Variants in PATJ observed in about 807,000 individuals in gnomAD.
PATJ encodes the protein PATJ crumbs cell polarity complex component.
Under a neutral mutation model 224.9 loss-of-function variants are expected in PATJ, and 190 were observed. The observed-to-expected ratio is 0.84, with a 90% CI of 0.75 to 0.95. The LOEUF is 0.95. PATJ is among the 40% of genes least tolerant of loss of function. The pLI, the probability that PATJ is intolerant of heterozygous loss-of-function variation, is 0.00. For synonymous variants in PATJ, 769 were observed against 820.3 expected (o/e 0.94, Z 1.07); for missense variants, 2,121 against 2,270.3 (o/e 0.93, Z 1.34).
intron 34 of PATJ, among the ~76,000 whole-genome samples, chr1:62,111,896 G>A (rs1169290892): frequency 6.6e-6 from 1 of 151,472 alleles, no homozygotes; most frequent in Non-Finnish European, 1.5e-5. Flanking sequence ...TCCTGACCTC[G>A]TGATCTGCCT....
intron 22 of PATJ, among the ~76,000 whole-genome samples, chr1:61,897,679 A>G (rs1239072913): frequency 6.6e-6 from 1 of 152,200 alleles, no homozygotes; most frequent in Admixed American, 6.5e-5. Flanking sequence ...TTTTGGTTCC[A>G]TATCACTGAT....
At chr1:61,818,653 G>A (rs1322477373) in intron 14 of PATJ, among the ~76,000 whole-genome samples, 1 of 152,208 alleles carries the variant, frequency 6.6e-6, no homozygotes, top group African/African-American at 2.4e-5. Context: ...GATTTCATAA[G>A]CATTGTTTCT....
chr1:62,154,839 G>C (rs1402401740), intron 43 of PATJ, among the ~76,000 whole-genome samples: 1 of 152,068 alleles, frequency 6.6e-6, no homozygotes, highest in African/African-American at 2.4e-5. Context: ...TTAGTCATTT[G>C]GCATTTACTT....
chr1:62,084,595 A>C lies in PATJ; in HGVS notation c.4324A>C (p.Lys1442Gln). The change falls in exon 33 of 44, where the codon AAG (lysine) becomes CAG (glutamine). Residue 1442 changes from lysine (K) to glutamine (Q), a missense_variant. Transcript: ENST00000642238. ...ACAGGAAATGATTATAGAAATATCC[A>C]AGGGACGTTCAGGGCTTGGTCTCAG... is the stretch of plus-strand genomic sequence containing the variant. ...PGQEMIIEIS[K>Q]GRSGLGLSIV... The C allele has an allele frequency of 6.2e-7, 1 of 1,613,514 alleles. No individual in the cohort carries two copies. Among genetic ancestry groups the C allele is most frequent in the South Asian group, 1.1e-5 (1 of 90,796 alleles).
At chr1:62,024,038 A>G (rs1647295271) in intron 29 of PATJ, among the ~76,000 whole-genome samples, 1 of 152,202 alleles carries the variant, frequency 6.6e-6, no homozygotes, top group Non-Finnish European at 1.5e-5. Context: ...CTTGCATCTC[A>G]GGAATAAAGC....
chr1:61,911,695 T>TATATATATATA lies in PATJ; in HGVS notation c.3493-2892_3493-2891insATATATATATA, dbSNP rs1672666028. On this transcript the variant is annotated intron_variant, in intron 25 of 43. Coordinates refer to ENST00000642238, the MANE Select transcript of PATJ (RefSeq NM_001350145.3). The stretch of plus-strand genomic sequence containing the variant: ...CAGAAATTCCATCATCTATATATTT[T>TATATATATATA]TATATATATATATATATATATATCA... 6.0e-3 allele frequency among the ~76,000 whole-genome samples: 850 copies of TATATATATATA among 140,516 alleles called. 7 individuals carry two copies. Among genetic ancestry groups the TATATATATATA allele is most frequent in the Admixed American group, 0.011 (158 of 13,792 alleles). 92.2% of individuals were successfully genotyped at this position (140,516 alleles called of 152,430 possible).
chr1:61,962,287 C>T (rs1681429158), intron 27 of PATJ, among the ~76,000 whole-genome samples: 1 of 152,102 alleles, frequency 6.6e-6, no homozygotes, highest in Non-Finnish European at 1.5e-5. Context: ...AGATGATACA[C>T]TCAGTAAATA....
At chr1:61,901,622 GT>G (rs1671163473) in intron 24 of PATJ, among the ~76,000 whole-genome samples, 163 bp downstream of exon 24, 1 of 152,140 alleles carries the variant, frequency 6.6e-6, no homozygotes, top group South Asian at 2.1e-4. Flanking sequence ...CAATTTATGA[GT>G]TTCTCAAGTG....
chr1:62,119,003 C>CA (rs35661742), intron 37 of PATJ, among the ~76,000 whole-genome samples: 1,978 of 138,030 alleles, frequency 0.014, 10 homozygotes, highest in Middle Eastern at 0.025. Context: ...CATTAAATAT[C>CA]AAAAAAAAAA....
rs78067874 is a variant in PATJ, at chr1:61,772,703, T to C, written c.720+1077T>C. On this transcript the variant is annotated intron_variant, in intron 6 of 43. Transcript: ENST00000642238. ...TAAATACAGTGAATAAAGTGGGGCA[T>C]TGTTTAACGTATAAAGAACAAGGGC... is the stretch of plus-strand genomic sequence containing the variant. Among the ~76,000 whole-genome samples, 1,283 of 152,322 alleles carry C rather than the reference T, an allele frequency of 8.4e-3. 22 individuals carry two copies. The highest frequency in any genetic ancestry group is 0.029 in the African/African-American group (1,209 of 41,576).
At chr1:61,801,901 A>G (rs1052241983) in intron 12 of PATJ, 132 bp downstream of exon 12, 6 of 584,756 alleles carry the variant, frequency 1.0e-5, no homozygotes, top group Non-Finnish European at 1.4e-5. Flanking sequence ...TCTTAATATC[A>G]ACTTTTTTTT....
At chr1:62,131,795 A>G (rs1446502096) in intron 41 of PATJ, among the ~76,000 whole-genome samples, 1 of 152,212 alleles carries the variant, frequency 6.6e-6, no homozygotes, top group Non-Finnish European at 1.5e-5. Flanking sequence ...CTAAATAAGT[A>G]AATAATAACA....
At chr1:61,774,792 A>T (rs1447204543) in intron 6 of PATJ, among the ~76,000 whole-genome samples, 2 of 152,038 alleles carry the variant, frequency 1.3e-5, no homozygotes, top group Non-Finnish European at 2.9e-5. Flanking sequence ...TTTTGACTTC[A>T]TGTGCTCCCC....
At chr1:61,884,457 T>TG (rs1668539291) in intron 22 of PATJ, 49 bp downstream of exon 22, 1 of 310,534 alleles carries the variant, frequency 3.2e-6, no homozygotes, top group African/African-American at 4.1e-5. Context: ...AGTGGTTTTT[T>TG]TTTTTTTTTT....
At chr1:62,094,555 C>G (rs1661160622) in intron 33 of PATJ, among the ~76,000 whole-genome samples, 1 of 138,006 alleles carries the variant, frequency 7.2e-6, no homozygotes, top group East Asian at 2.2e-4. Flanking sequence ...TAGATTCTGT[C>G]TCAACACACA....
In PATJ at chr1:62,018,794, A is replaced by G. The variant is rs190370774; in HGVS notation, c.3959+847A>G. 6.6e-6 allele frequency among the ~76,000 whole-genome samples: 1 copy of G among 152,284 alleles called. No individual in the cohort carries two copies. The highest frequency in any genetic ancestry group is 6.5e-5 in the Admixed American group (1 of 15,296). ...GAATGTTAGCTGCTATTTTAGGATT[A>G]TGACAATCATTATTATTCTTCCCTT... On this transcript the variant is annotated intron_variant, in intron 29 of 43. Transcript: ENST00000642238. This position sits in a 1 kb window ranked among gnomAD's most constrained non-coding sequence, Gnocchi z 4.2.
At chr1:61,760,188 G>T (rs1020259166) in intron 1 of PATJ, among the ~76,000 whole-genome samples, 5 of 152,082 alleles carry the variant, frequency 3.3e-5, no homozygotes, top group Non-Finnish European at 7.4e-5. Flanking sequence ...CATCAGAAGT[G>T]TTTTTTTGAT....
At chr1:61,769,247 C>T in intron 4 of PATJ, 36 bp from the exon 5 acceptor site, 4 of 1,587,364 alleles carry the variant, frequency 2.5e-6, no homozygotes, top group Non-Finnish European at 3.4e-6. Context: ...GCTAAATGTA[C>T]ACCATTGACT....
At chr1:62,069,317 G>A (rs1056806482) in intron 31 of PATJ, among the ~76,000 whole-genome samples, 3 of 152,118 alleles carry the variant, frequency 2.0e-5, no homozygotes, top group East Asian at 1.9e-4. Flanking sequence ...TCTCTGTGCC[G>A]CAGTTACCTC....
Sources: gnomAD v4.1 joint callset for allele counts (sites outside exome capture counted in the v4.1 genomes callset) on GRCh38, gnomAD v4.1.1 for gene constraint, Gnocchi (gnomAD v3.1) non-coding constraint, MANE v1.5 for transcripts, NCBI Gene and HGNC (gene_info 2026-07-23, HGNC 2026-07-21) for gene names.